RND2: variants seen among roughly 807,000 people sequenced by gnomAD.
RND2 encodes rho-related GTP-binding protein RhoN.
Under a neutral mutation model 25.9 loss-of-function variants are expected in RND2, and 16 were observed. The observed-to-expected ratio is 0.62, with a 90% CI of 0.42 to 0.94. The LOEUF is 0.94. RND2 is among the 40% of genes least tolerant of loss of function. The pLI is 0.00. For synonymous variants in RND2, 97 were observed against 118.1 expected (o/e 0.82, Z 1.16); for missense variants, 276 against 305.5 (o/e 0.90, Z 0.72).
intron 3 of RND2, 68 bp downstream of exon 3, chr17:43,027,360 T>G (rs2050631749): frequency 9.2e-7 from 1 of 1,085,502 alleles, no homozygotes; most frequent in Non-Finnish European, 1.4e-6. Context: ...TGACATAACA[T>G]GGGCCAGGAG....
chr17:43,030,011 G>T lies in RND2; in HGVS notation c.*1331G>T, dbSNP rs1820423297. 1.3e-5 allele frequency: 2 copies of T among 152,084 alleles called. No individual in the cohort carries two copies. The highest frequency in any genetic ancestry group is 4.8e-5 in the African/African-American group (2 of 41,342). 9.4% of individuals were successfully genotyped at this position (152,084 alleles called of 1,614,324 possible). On this transcript the variant is annotated 3_prime_UTR_variant, in exon 5 of 5. Coordinates refer to ENST00000587250, the MANE Select transcript of RND2 (RefSeq NM_005440.5). The stretch of plus-strand genomic sequence containing the variant: ...TAAGAGGTCAGTAGTTTGATTCTGG[G>T]GTCTCCTTAGAGGCTCAGGCCAGGG...
At chr17:43,027,963 G>A (rs575106292) in intron 3 of RND2, 98 bp from the exon 4 acceptor site, 49 of 1,391,536 alleles carry the variant, frequency 3.5e-5, no homozygotes, top group African/African-American at 2.1e-4. Flanking sequence ...TGGTTTCTGC[G>A]TGCTTGAGGA....
Position 43,029,690 on chromosome 17 carries a change from TC to T in RND2, c.*1011del, listed in dbSNP as rs1379736745. 2.0e-5 allele frequency: 3 copies of T among 151,862 alleles called. No homozygotes were observed. The highest frequency in any genetic ancestry group is 2.9e-5 in the Non-Finnish European group (2 of 68,020). 9.4% of individuals were successfully genotyped at this position (151,862 alleles called of 1,614,324 possible). A position where few individuals can be genotyped will look rare whatever the true frequency, so the allele number is the denominator to read the frequency against. ...GTGGGCGGATCACAAGTTCAGGAGATCGAGACCATCCTGGCTAACACGGTGA... is the reference window on the plus strand; with the variant it reads ...GTGGGCGGATCACAAGTTCAGGAGATGAGACCATCCTGGCTAACACGGTGA... On this transcript the variant is annotated 3_prime_UTR_variant, in exon 5 of 5. Coordinates refer to ENST00000587250, the MANE Select transcript of RND2 (RefSeq NM_005440.5).
rs1171318383 is a variant in RND2, at chr17:43,031,205, T to C, written c.*2525T>C. 1 of 152,160 alleles carries C rather than the reference T, an allele frequency of 6.6e-6. No individual in the cohort carries two copies. The highest frequency in any genetic ancestry group is 1.5e-5 in the Non-Finnish European group (1 of 68,012). 9.4% of individuals were successfully genotyped at this position (152,160 alleles called of 1,614,324 possible). On this transcript the variant is annotated 3_prime_UTR_variant, in exon 5 of 5. Transcript: ENST00000587250. The stretch of plus-strand genomic sequence containing the variant: ...CCAGTCTTGAGAGGAAAGGAATCCC[T>C]ACCCACCACTCCCTGGATCATCAGA...
Position 43,028,099 on chromosome 17 carries a change from G to T in RND2, c.339G>T (p.Lys113Asn). The T allele has an allele frequency of 6.2e-7, 1 of 1,614,150 alleles. No individual in the cohort carries two copies. The highest frequency in any genetic ancestry group is 8.5e-7 in the Non-Finnish European group (1 of 1,180,018). The change falls in exon 4 of 5, where the codon AAG becomes AAT. Residue 113 changes from lysine to asparagine, a missense_variant. By Grantham distance (94) the Lys-to-Asn change is moderately conservative (BLOSUM62 0). Transcript: ENST00000587250. Reference sequence around the variant, plus strand: ...CTCAAGAGTTCTGCCCCAATGCCAAGGTTGTGCTGGTTGGCTGTAAACTGG... The same window carrying T: ...CTCAAGAGTTCTGCCCCAATGCCAATGTTGTGCTGGTTGGCTGTAAACTGG... ...GETQEFCPNAKVVLVGCKLDM... is the reference protein window; with the variant it reads ...GETQEFCPNANVVLVGCKLDM...
intron 3 of RND2, 82 bp downstream of exon 3, chr17:43,027,374 G>A (rs2050631944): frequency 1.5e-5 from 14 of 926,420 alleles, no homozygotes; most frequent in South Asian, 1.2e-4. Context: ...CCAGGAGGAG[G>A]GAGTGATGGC....
intron 2 of RND2, among the ~76,000 whole-genome samples, chr17:43,026,630 T>C (rs955806852): frequency 3.9e-5 from 6 of 152,132 alleles, no homozygotes; most frequent in African/African-American, 1.2e-4. Context: ...GCCTGAGCGA[T>C]AGAGCGAGAC....
chr17:43,028,337 C>G (rs1406735128), intron 4 of RND2, 95 bp from the exon 5 acceptor site: 8 of 1,582,848 alleles, frequency 5.1e-6, no homozygotes, highest in Non-Finnish European at 6.9e-6. Context: ...TGCCCCCAGC[C>G]TTGACATTCA....
rs1314204326 is a variant in RND2, at chr17:43,028,994, C to A, written c.*314C>A. The A allele has an allele frequency of 2.8e-6, 1 of 354,154 alleles. No homozygotes were observed. The highest frequency in any genetic ancestry group is 5.3e-6 in the Non-Finnish European group (1 of 187,736). 21.9% of individuals were successfully genotyped at this position (354,154 alleles called of 1,614,324 possible). A position where few individuals can be genotyped will look rare whatever the true frequency, so the allele number is the denominator to read the frequency against. ...GTGGAGTCTCCTATGTGAAGAGTAC[C>A]CTCCCTCTCCACCCCCAGTCCCCAT... On this transcript the variant is annotated 3_prime_UTR_variant, in exon 5 of 5. Transcript: ENST00000587250.
rs1217718688 is a variant in RND2, at chr17:43,025,993, G to T, written c.136G>T (p.Ala46Ser). 2 of 1,612,924 alleles carry T rather than the reference G, an allele frequency of 1.2e-6. No homozygotes were observed. The highest frequency in any genetic ancestry group is 2.7e-5 in the African/African-American group (2 of 74,830). ...YVPTVFENYT[A>S]SFEIDKRRIE... ...CCCCACCGTGTTTGAGAACTACACTGCGAGCTTTGAGATCGACAAGCGCCG... is the reference window on the plus strand; with the variant it reads ...CCCCACCGTGTTTGAGAACTACACTTCGAGCTTTGAGATCGACAAGCGCCG... The change falls in exon 2 of 5, where the codon GCG (alanine) becomes TCG (serine). Residue 46 changes from alanine to serine, a missense_variant. Physicochemically the swap from Ala to Ser is moderately conservative, Grantham distance 99. Transcript: ENST00000587250.
At position 43,025,431 on chromosome 17, in the gene RND2, C is replaced by T. The variant is rs773363740; in HGVS notation, c.84C>T (p.Ala28=). 1.3e-6 allele frequency: 2 copies of T among 1,546,774 alleles called. No homozygotes were observed. Among genetic ancestry groups the T allele is most frequent in the Non-Finnish European group, 1.7e-6 (2 of 1,146,338 alleles). ...AGACGGCGCTGCTGCAGGTGTTCGC[C>T]AAGGACGCCTATCCCGGGGTGAGGG... ...CGKTALLQVF[A]KDAYPGSYVP... is the part of the protein sequence containing the mutation. Residue 28 remains alanine, a synonymous_variant, in exon 1 of 5, where the codon GCC becomes GCT. Coordinates refer to ENST00000587250, the MANE Select transcript of RND2 (RefSeq NM_005440.5).
chr17:43,027,255 T>A lies in RND2; in HGVS notation c.263T>A (p.Ile88Asn), dbSNP rs2050630458. 2 of 1,612,992 alleles carry A rather than the reference T, an allele frequency of 1.2e-6. No individual in the cohort carries two copies. The highest frequency in any genetic ancestry group is 1.7e-6 in the Non-Finnish European group (2 of 1,179,446). The change falls in exon 3 of 5, where the codon ATT becomes AAT. Residue 88 changes from isoleucine (I) to asparagine (N), a missense_variant. Transcript: ENST00000587250. ...DSDAVLICFD[I>N]SRPETLDSVL... ...GATGCTGTGCTCATCTGCTTCGACA[T>A]TAGCCGACCAGAAACACTGGACAGT...
chr17:43,028,850 C>A lies in RND2; in HGVS notation c.*170C>A. ...GCAGAAGGGTATCATCGTTTCTCAT[C>A]TCCTCCTCCCTCCTCTTCTCCAGTG... is the stretch of plus-strand genomic sequence containing the variant. On this transcript the variant is annotated 3_prime_UTR_variant, in exon 5 of 5. Coordinates refer to ENST00000587250, the MANE Select transcript of RND2 (RefSeq NM_005440.5). 1.1e-6 allele frequency: 1 copy of A among 884,930 alleles called. No individual in the cohort carries two copies. Among genetic ancestry groups the A allele is most frequent in the Non-Finnish European group, 1.7e-6 (1 of 596,676 alleles). 54.8% of individuals were successfully genotyped at this position (884,930 alleles called of 1,614,324 possible).
rs773244091 is a variant in RND2, at chr17:43,028,498, C to T, written c.502C>T (p.Arg168Cys). Residue 168 changes from arginine to cysteine, a missense_variant, in exon 5 of 5, where the codon CGC becomes TGC. By Grantham distance (180) the Arg-to-Cys change is radical. Coordinates refer to ENST00000587250, the MANE Select transcript of RND2 (RefSeq NM_005440.5). Reference sequence around the variant, plus strand: ...TGAGTGCTCCTCCCGGTCCTCTGAGCGCAGCGTCAGGGATGTCTTCCATGT... The same window carrying T: ...TGAGTGCTCCTCCCGGTCCTCTGAGTGCAGCGTCAGGGATGTCTTCCATGT... ...YVECSSRSSE[R>C]SVRDVFHVAT... is the part of the protein sequence containing the mutation. 23 of 1,614,102 alleles carry T rather than the reference C, an allele frequency of 1.4e-5. No homozygotes were observed. Among genetic ancestry groups the T allele is most frequent in the African/African-American group, 2.7e-5 (2 of 74,920 alleles).
Position 43,028,134 on chromosome 17 carries a change from CT to C in RND2, c.375del (p.Asp126ThrfsTer5). On this transcript the variant is annotated frameshift_variant, in exon 4 of 5. Coordinates refer to ENST00000587250, the MANE Select transcript of RND2 (RefSeq NM_005440.5). LOFTEE classifies it high-confidence loss of function. ...VLVGCKLDMR[T>X]DLATLRELSK... The stretch of plus-strand genomic sequence containing the variant: ...GTTGGCTGTAAACTGGACATGCGGA[CT>C]GACCTGGCCACACTGAGGGAGCTGT... 1.2e-6 allele frequency: 2 copies of C among 1,614,190 alleles called. No individual in the cohort carries two copies. Among genetic ancestry groups the C allele is most frequent in the Non-Finnish European group, 1.7e-6 (2 of 1,180,038 alleles).
rs184393353 is a variant in RND2, at chr17:43,027,610, C to T, written c.300+318C>T. 1.5e-3 allele frequency among the ~76,000 whole-genome samples: 231 copies of T among 152,272 alleles called. 1 individual carries two copies. Among genetic ancestry groups the T allele is most frequent in the Non-Finnish European group, 1.3e-3 (86 of 68,016 alleles). On this transcript the variant is annotated intron_variant, in intron 3 of 4. Coordinates refer to ENST00000587250, the MANE Select transcript of RND2 (RefSeq NM_005440.5). ...AGATGGAGGGGATGGGATGGGAAGC[C>T]TGATCCTGGAGCTCAGGAAAGCCCT...
rs1216275567 is a variant in RND2, at chr17:43,025,279, A to C, written c.-69A>C. On this transcript the variant is annotated 5_prime_UTR_variant, in exon 1 of 5. Coordinates refer to ENST00000587250, the MANE Select transcript of RND2 (RefSeq NM_005440.5). ...TGGCGGCCCGAGCGGCTGCAGTTGC[A>C]GGGGCGGGGGAGGCGGCGGCGGGGC... is the stretch of plus-strand genomic sequence containing the variant. The C allele has an allele frequency of 7.8e-7, 1 of 1,281,744 alleles. No homozygotes were observed. Among genetic ancestry groups the C allele is most frequent in the Admixed American group, 3.1e-5 (1 of 32,636 alleles). 79.4% of individuals were successfully genotyped at this position (1,281,744 alleles called of 1,614,324 possible). A position where few individuals can be genotyped will look rare whatever the true frequency, so the allele number is the denominator to read the frequency against.
chr17:43,028,406 C>T, intron 4 of RND2, 26 bp from the exon 5 acceptor site: 2 of 1,609,324 alleles, frequency 1.2e-6, no homozygotes, highest in Non-Finnish European at 1.7e-6. Flanking sequence ...CTATAACTTT[C>T]TCCCATGCAC....
Position 43,028,646 on chromosome 17 carries a change from A to G in RND2, c.650A>G (p.His217Arg). The change falls in exon 5 of 5, where the codon CAC becomes CGC. Residue 217 changes from histidine to arginine, a missense_variant. By Grantham distance (29) the His-to-Arg change is conservative. Coordinates refer to ENST00000587250, the MANE Select transcript of RND2 (RefSeq NM_005440.5). The stretch of plus-strand genomic sequence containing the variant: ...GACCGGGGGAATGAGGGCGAGATAC[A>G]CAAGGATCGAGCCAAAAGCTGCAAC... ...RPDRGNEGEI[H>R]KDRAKSCNLM The G allele has an allele frequency of 3.1e-6, 5 of 1,596,782 alleles. No individual in the cohort carries two copies. The highest frequency in any genetic ancestry group is 1.1e-5 in the South Asian group (1 of 89,164).
Sources: allele counts gnomAD v4.1 joint callset (sites outside exome capture counted in the v4.1 genomes callset), GRCh38; gene constraint gnomAD v4.1.1; transcripts MANE v1.5; gene names NCBI Gene and HGNC (gene_info 2026-07-23, HGNC 2026-07-21).